The following PLCB1 variants were observed in gnomAD, a reference collection of about 807,000 sequenced individuals.
PLCB1 encodes the protein 1-phosphatidylinositol 4,5-bisphosphate phosphodiesterase beta-1.
A neutral mutation model predicts 161.8 loss-of-function variants in PLCB1; 46 were observed. The ratio of observed to expected loss-of-function variants is 0.28; its 90% CI spans 0.22 to 0.36. PLCB1 has a LOEUF of 0.36. Among genes scored for constraint, PLCB1 ranks in the 10% least tolerant of loss-of-function variants. The pLI is 1.00. For synonymous variants in PLCB1, 517 were observed against 503.7 expected, an observed-to-expected ratio of 1.03 and a Z score of -0.35; for missense variants, 1,016 against 1,472.5, an observed-to-expected ratio of 0.69 and a Z score of 5.07.
chr20:8,432,175 T>C (rs1237248482), intron 3 of PLCB1, among the ~76,000 whole-genome samples: 1 of 152,122 alleles, frequency 6.6e-6, no homozygotes, highest in African/African-American at 2.4e-5. Context: ...GCCGGGTTTA[T>C]TGGGTGAAAG....
At chr20:8,716,919 AC>A (rs1356902057) in intron 13 of PLCB1, among the ~76,000 whole-genome samples, 1 of 152,140 alleles carries the variant, frequency 6.6e-6, no homozygotes, top group East Asian at 1.9e-4. Flanking sequence ...GTGAGTTTAT[AC>A]CAGTCCCTCC....
At chr20:8,247,425 T>C (rs1980931475) in intron 2 of PLCB1, among the ~76,000 whole-genome samples, 1 of 151,960 alleles carries the variant, frequency 6.6e-6, no homozygotes, top group Non-Finnish European at 1.5e-5. Context: ...TTAGAAATCA[T>C]TAGAAATTTT....
intron 2 of PLCB1, among the ~76,000 whole-genome samples, chr20:8,334,770 G>A (rs1985508802): frequency 6.6e-6 from 1 of 152,118 alleles, no homozygotes; most frequent in Admixed American, 6.6e-5. Flanking sequence ...GGTCATTCTG[G>A]TTCTATGTGG....
intron 3 of PLCB1, among the ~76,000 whole-genome samples, chr20:8,588,586 C>G (rs7265664): frequency 0.11 from 16,625 of 152,036 alleles, 1,533 homozygotes; most frequent in African/African-American, 0.22. Context: ...AGTCCCTCAT[C>G]TAAGAGGAAG....
At chr20:8,751,307 T>C (rs1051876492) in intron 23 of PLCB1, 2 of 154,568 alleles carry the variant, frequency 1.3e-5, no homozygotes, top group African/African-American at 4.8e-5. Context: ...AATAGCCCAG[T>C]AATACATATG....
intron 3 of PLCB1, among the ~76,000 whole-genome samples, chr20:8,497,194 A>G (rs1983214138): frequency 6.6e-6 from 1 of 152,210 alleles, no homozygotes; most frequent in South Asian, 2.1e-4. Context: ...TCATGTAGAA[A>G]CAAACATTGA....
At chr20:8,754,653 T>A (rs889755469) in intron 23 of PLCB1, among the ~76,000 whole-genome samples, 1 of 152,176 alleles carries the variant, frequency 6.6e-6, no homozygotes, top group African/African-American at 2.4e-5. Flanking sequence ...TTGGTAACCA[T>A]GGGCACCCTC....
At chr20:8,737,738 G>C (rs1568579050) in intron 20 of PLCB1, among the ~76,000 whole-genome samples, 1 of 152,150 alleles carries the variant, frequency 6.6e-6, no homozygotes, top group Non-Finnish European at 1.5e-5. Context: ...GAAGAAAGTA[G>C]GTTCAGTGGG....
intron 3 of PLCB1, among the ~76,000 whole-genome samples, chr20:8,535,598 A>T (rs189754562): frequency 1.3e-5 from 2 of 152,312 alleles, no homozygotes; most frequent in East Asian, 3.9e-4. Flanking sequence ...CCCAGTGGAC[A>T]TTTGGCAAAG....
intron 3 of PLCB1, among the ~76,000 whole-genome samples, chr20:8,542,007 G>C (rs548614380): frequency 6.6e-6 from 1 of 152,186 alleles, no homozygotes; most frequent in Non-Finnish European, 1.5e-5. Context: ...ATTTTGAATA[G>C]ACTGAAAACA....
intron 2 of PLCB1, among the ~76,000 whole-genome samples, chr20:8,225,522 T>C (rs976885774): frequency 1.3e-5 from 2 of 152,238 alleles, no homozygotes; most frequent in Non-Finnish European, 2.9e-5. Flanking sequence ...AGTTTCTTGA[T>C]ATCTTGTGTC....
chr20:8,582,862 G>A (rs545460612), intron 3 of PLCB1, among the ~76,000 whole-genome samples: 15 of 152,014 alleles, frequency 9.9e-5, no homozygotes, highest in Non-Finnish European at 1.8e-4. Flanking sequence ...AGTGGCACAT[G>A]CTTGTAATCC....
intron 3 of PLCB1, among the ~76,000 whole-genome samples, chr20:8,469,600 A>G (rs4471960): frequency 0.49 from 74,206 of 151,836 alleles, 18,396 homozygotes; most frequent in Admixed American, 0.59. Context: ...ACCCACAACC[A>G]TTGTTACTAA....
At chr20:8,216,534 T>G (rs954823192) in intron 2 of PLCB1, among the ~76,000 whole-genome samples, 6 of 152,046 alleles carry the variant, frequency 3.9e-5, no homozygotes, top group African/African-American at 1.4e-4. Flanking sequence ...TGAATTTGAG[T>G]TTAAAAATAC....
intron 2 of PLCB1, among the ~76,000 whole-genome samples, chr20:8,336,222 CAGTT>C (rs533377216): frequency 2.0e-5 from 3 of 152,292 alleles, no homozygotes; most frequent in Non-Finnish European, 2.9e-5. Context: ...CTAGTGTCAA[CAGTT>C]AGGTGTTATC....
chr20:8,717,868 TC>T lies in PLCB1; in HGVS notation c.1513+24del, dbSNP rs773279120. On this transcript the variant is annotated intron_variant, in intron 14 of 31. Coordinates refer to ENST00000338037, the MANE Select transcript of PLCB1 (RefSeq NM_015192.4). Reference sequence around the variant, plus strand: ...GAGCCGGTGAGGGGCTGGTGGGCTCTCCCCGTCATGTTTTGTGTTGGTTTAA... The same window carrying T: ...GAGCCGGTGAGGGGCTGGTGGGCTCTCCCGTCATGTTTTGTGTTGGTTTAA... 8.8e-6 allele frequency: 14 copies of T among 1,594,216 alleles called. No individual in the cohort carries two copies. Among genetic ancestry groups the T allele is most frequent in the Non-Finnish European group, 1.2e-5 (14 of 1,173,192 alleles).
At chr20:8,232,224 A>AG (rs1275639770) in intron 2 of PLCB1, among the ~76,000 whole-genome samples, 24 of 136,432 alleles carry the variant, frequency 1.8e-4, no homozygotes, top group East Asian at 3.2e-4. Context: ...TCTCTTTAAA[A>AG]AAGAGAGAGA....
At chr20:8,445,357 A>G (rs1045404037) in intron 3 of PLCB1, among the ~76,000 whole-genome samples, 1 of 152,146 alleles carries the variant, frequency 6.6e-6, no homozygotes, top group Non-Finnish European at 1.5e-5. Context: ...AGATGGTTGT[A>G]AATGTGTGGT....
At chr20:8,369,427 T>G (rs1002535667) in intron 2 of PLCB1, among the ~76,000 whole-genome samples, 1 of 152,246 alleles carries the variant, frequency 6.6e-6, no homozygotes, top group Non-Finnish European at 1.5e-5. Flanking sequence ...TTGGTTGTCA[T>G]TGCTGTAGAG....
Sources: gnomAD v4.1 joint callset for allele counts (sites outside exome capture counted in the v4.1 genomes callset) on GRCh38, gnomAD v4.1.1 for gene constraint, MANE v1.5 for transcripts, NCBI Gene and HGNC (gene_info 2026-07-23, HGNC 2026-07-21) for gene names.